Variants in PRODH2 observed in about 807,000 individuals in gnomAD.
PRODH2 encodes the protein hydroxyproline dehydrogenase.
A neutral mutation model predicts 51.9 loss-of-function variants in PRODH2; 49 were observed. That is an observed-to-expected ratio of 0.94 (90% CI 0.75 to 1.20). The LOEUF is 1.20. Ranked by LOEUF, PRODH2 falls within the 50% of genes most tolerant of loss-of-function variation. The probability of loss-of-function intolerance (pLI) is 0.00; values close to 1 mark genes in which losing one functional copy is unlikely to be tolerated. For missense variants in PRODH2, 597 were observed against 610.9 expected, an observed-to-expected ratio of 0.98 and a Z score of 0.24; for synonymous variants, 249 against 260.7, an observed-to-expected ratio of 0.96 and a Z score of 0.43.
intron 4 of PRODH2, among the ~76,000 whole-genome samples, chr19:35,808,410 G>A (rs1972546815): frequency 6.6e-6 from 1 of 152,136 alleles, no homozygotes. Context: ...AATCCCACCT[G>A]GAGGCAGGTT....
intron 7 of PRODH2, 143 bp downstream of exon 7, chr19:35,806,282 CTGTGT>C (rs1972509746): frequency 2.0e-6 from 2 of 983,858 alleles, no homozygotes; most frequent in African/African-American, 3.2e-5. Flanking sequence ...TGGGGTCTCC[CTGTGT>C]TGCCCAGGCT....
intron 5 of PRODH2, 65 bp downstream of exon 5, chr19:35,806,976 C>G: frequency 6.5e-7 from 1 of 1,544,230 alleles, no homozygotes; most frequent in East Asian, 2.5e-5. Flanking sequence ...GAGGGGTTAC[C>G]TGTGCCACCC....
At chr19:35,802,588 G>T in intron 8 of PRODH2, 1 of 463,286 alleles carries the variant, frequency 2.2e-6, no homozygotes, top group Non-Finnish European at 3.9e-6. Flanking sequence ...AAGAGGTAGG[G>T]ACTTGCTTTG....
chr19:35,812,490 AG>A lies in PRODH2; in HGVS notation c.240del (p.Tyr81MetfsTer13). On this transcript the variant is annotated frameshift_variant, in exon 2 of 10. Coordinates refer to ENST00000653904, the MANE Select transcript of PRODH2 (RefSeq NM_021232.2). LOFTEE classifies it high-confidence loss of function. The part of the protein sequence containing the change: ...RLSGAFLRAS[V>X]YGQFVAGETA... ...GTCTCACCAGCCACAAACTGCCCAT[AG>A]ACGGATGCTCGGAGAAATGCGCCTG... 6.2e-7 allele frequency: 1 copy of A among 1,614,230 alleles called. No homozygotes were observed. The highest frequency in any genetic ancestry group is 2.2e-5 in the East Asian group (1 of 44,888).
chr19:35,812,300 G>T, intron 2 of PRODH2, 28 bp from the exon 3 acceptor site: 1 of 1,612,208 alleles, frequency 6.2e-7, no homozygotes, highest in Non-Finnish European at 8.5e-7. Context: ...GTCAGGGCCC[G>T]AACAGCAAAG....
At chr19:35,804,253 T>G (rs1972475545) in intron 7 of PRODH2, among the ~76,000 whole-genome samples, 1 of 152,202 alleles carries the variant, frequency 6.6e-6, no homozygotes, top group African/African-American at 2.4e-5. Context: ...AGTGGCGTGA[T>G]CTCGGCTCAC....
At chr19:35,808,688 A>G (rs1972551559) in intron 4 of PRODH2, among the ~76,000 whole-genome samples, 2 of 152,044 alleles carry the variant, frequency 1.3e-5, no homozygotes, top group African/African-American at 4.8e-5. Flanking sequence ...CAGGGAAGTC[A>G]CTTGTCAAAA....
rs1364045030 is a variant in PRODH2, at chr19:35,812,630, A to G, written c.174+2T>C. 4 of 1,593,082 alleles carry G rather than the reference A, an allele frequency of 2.5e-6. No homozygotes were observed. In the Admixed American group the frequency reaches 6.8e-5, roughly 27 times the overall value. On this transcript the variant is annotated splice_donor_variant, in intron 1 of 9. Coordinates refer to ENST00000653904, the MANE Select transcript of PRODH2 (RefSeq NM_021232.2). LOFTEE classifies it high-confidence loss of function. The stretch of plus-strand genomic sequence containing the variant: ...AGGCTGGTCCTCAGGATCACTGCTC[A>G]CCAACAGCCCGTGAGTGACGAGTGG...
At chr19:35,800,754 G>A (rs1156534087) in intron 9 of PRODH2, among the ~76,000 whole-genome samples, 1 of 151,966 alleles carries the variant, frequency 6.6e-6, no homozygotes, top group Non-Finnish European at 1.5e-5. Flanking sequence ...GTGCAGTGGT[G>A]TGATCACGAC....
In PRODH2 at chr19:35,812,357, C is replaced by T. The variant is rs538913668; in HGVS notation, c.371+3G>A. 1 of 1,611,926 alleles carries T rather than the reference C, an allele frequency of 6.2e-7. No individual in the cohort carries two copies. Among genetic ancestry groups the T allele is most frequent in the South Asian group, 1.1e-5 (1 of 90,956 alleles). On this transcript the variant is annotated splice_donor_region_variant and intron_variant, in intron 2 of 9. Transcript: ENST00000653904. ...CCTCCCTGGGCCCTGGCTCCCTACT[C>T]ACCCACTCTTGGCAGCAGAGTCCGG... is the stretch of plus-strand genomic sequence containing the variant.
intron 7 of PRODH2, among the ~76,000 whole-genome samples, chr19:35,805,771 G>GTCCA (rs1326703725): frequency 4.6e-5 from 7 of 152,224 alleles, no homozygotes; most frequent in African/African-American, 1.7e-4. Flanking sequence ...TCTTGGACAT[G>GTCCA]AGCCTGGATT....
chr19:35,800,132 C>A lies in PRODH2; in HGVS notation c.1289G>T (p.Arg430Leu), dbSNP rs759488879. The change falls in exon 10 of 10, where the codon CGG becomes CTG. Residue 430 changes from arginine (R) to leucine (L), a missense_variant. Coordinates refer to ENST00000653904, the MANE Select transcript of PRODH2 (RefSeq NM_021232.2). ...PYLIRRAQEN[R>L]SVLQGARREQ... is the part of the protein sequence containing the mutation. ...CCTGCGGGCACCCTGAAGCACGCTC[C>A]GGTTCTCCTGGGCCCTCCGGATCAG... 1.9e-6 allele frequency: 3 copies of A among 1,608,190 alleles called. No homozygotes were observed. Among genetic ancestry groups the A allele is most frequent in the African/African-American group, 2.7e-5 (2 of 74,946 alleles).
intron 4 of PRODH2, 65 bp downstream of exon 4, chr19:35,811,897 G>GT: frequency 1.4e-6 from 2 of 1,476,246 alleles, no homozygotes; most frequent in Non-Finnish European, 1.9e-6. Flanking sequence ...AACATCTGGC[G>GT]TGCGGTGTGG....
intron 9 of PRODH2, among the ~76,000 whole-genome samples, chr19:35,801,427 C>T (rs187967547): frequency 2.4e-4 from 36 of 152,242 alleles, no homozygotes; most frequent in African/African-American, 8.7e-4. Flanking sequence ...GATGGCACCA[C>T]TGGACTCCTG....
chr19:35,801,798 G>A, intron 9 of PRODH2: 1 of 197,226 alleles, frequency 5.1e-6, no homozygotes, highest in Admixed American at 5.3e-5. Flanking sequence ...CTGCGAAGTT[G>A]GGGCTATGGG....
At chr19:35,803,326 C>G (rs573592206) in intron 7 of PRODH2, among the ~76,000 whole-genome samples, 12 of 152,252 alleles carry the variant, frequency 7.9e-5, no homozygotes, top group Admixed American at 3.9e-4. Context: ...ATGATCTCAG[C>G]TCACTGCAAC....
At chr19:35,802,684 T>C (rs1461940715) in intron 8 of PRODH2, among the ~76,000 whole-genome samples, 1 of 151,932 alleles carries the variant, frequency 6.6e-6, no homozygotes, top group Non-Finnish European at 1.5e-5. Flanking sequence ...ACCTCCGGAA[T>C]AGCTGGGACT....
chr19:35,803,537 G>C (rs1312787960), intron 7 of PRODH2, among the ~76,000 whole-genome samples: 1 of 152,208 alleles, frequency 6.6e-6, no homozygotes, highest in Non-Finnish European at 1.5e-5. Context: ...TTACAGGCGT[G>C]AGCCACCGCA....
rs772201724 is a variant in PRODH2 at position 35,800,050 on chromosome 19, C to T, written c.1371G>A (p.Arg457=). 1.9e-6 allele frequency: 3 copies of T among 1,610,912 alleles called. No individual in the cohort carries two copies. The highest frequency in any genetic ancestry group is 2.2e-5 in the South Asian group (2 of 90,530). Residue 457 remains arginine, a synonymous_variant, in exon 10 of 10, where the codon AGG becomes AGA. Coordinates refer to ENST00000653904, the MANE Select transcript of PRODH2 (RefSeq NM_021232.2). ...CCCCTCAGGGGTGCTAGTGGGGTAT[C>T]CTTCGGCATCCTGGCAGCAGCCGCC... is the stretch of plus-strand genomic sequence containing the variant. The part of the protein sequence containing the change: ...LWRRLLPGCR[R]IPH
Sources: allele counts gnomAD v4.1 joint callset (sites outside exome capture counted in the v4.1 genomes callset), GRCh38; gene constraint gnomAD v4.1.1; transcripts MANE v1.5; gene names NCBI Gene and HGNC (gene_info 2026-07-23, HGNC 2026-07-21).